The following NID2 variants were observed in gnomAD, a reference collection of about 807,000 sequenced individuals.
The protein encoded by NID2 is nidogen 2.
Under a neutral mutation model 145.4 loss-of-function variants are expected in NID2, and 83 were observed. That is an observed-to-expected ratio of 0.57 (90% CI 0.48 to 0.69). The LOEUF is 0.69. NID2 is among the 30% of genes least tolerant of loss of function. The probability of loss-of-function intolerance (pLI) is 0.00; values close to 1 mark genes in which losing one functional copy is unlikely to be tolerated. For missense variants in NID2, 1,807 were observed against 1,765.7 expected, an observed-to-expected ratio of 1.02 and a Z score of -0.42; for synonymous variants, 739 against 701.3, an observed-to-expected ratio of 1.05 and a Z score of -0.85.
At chr14:52,020,298 A>G in intron 12 of NID2, 120 bp from the exon 13 acceptor site, 1 of 1,497,010 alleles carries the variant, frequency 6.7e-7, no homozygotes, top group Non-Finnish European at 8.9e-7. Flanking sequence ...TCAGCTTCAG[A>G]AGACCTTTGA....
chr14:52,029,425 T>C, intron 10 of NID2, 122 bp downstream of exon 10: 2 of 920,852 alleles, frequency 2.2e-6, no homozygotes, highest in Non-Finnish European at 3.3e-6. Flanking sequence ...TAACAGCTGC[T>C]AAAATCATTG....
chr14:52,005,702 T>TA (rs765415990), intron 21 of NID2, 35 bp downstream of exon 21: 12 of 1,535,648 alleles, frequency 7.8e-6, no homozygotes, highest in African/African-American at 1.4e-5. Context: ...TCTACCCTGC[T>TA]AATTTAAAGG....
intron 12 of NID2, among the ~76,000 whole-genome samples, chr14:52,021,652 A>C (rs77203104): frequency 1.5e-3 from 224 of 152,294 alleles, no homozygotes; most frequent in Non-Finnish European, 1.9e-3. Flanking sequence ...TCCTCCCCCA[A>C]AAATTCTGAA....
chr14:52,049,905 AC>A (rs1892633375), intron 5 of NID2, among the ~76,000 whole-genome samples: 1 of 152,122 alleles, frequency 6.6e-6, no homozygotes. Context: ...GCTCCTGGTC[AC>A]AGACCCTCTG....
chr14:52,021,104 T>C (rs1891389704), intron 12 of NID2, among the ~76,000 whole-genome samples: 1 of 152,090 alleles, frequency 6.6e-6, no homozygotes, highest in African/African-American at 2.4e-5. Flanking sequence ...CAGGAAGTCT[T>C]TCAGAGTAAA....
chr14:52,029,547 C>G lies in NID2; in HGVS notation c.2401G>C (p.Asp801His). The change falls in exon 10 of 22, where the codon GAT becomes CAT. Residue 801 changes from aspartate (D) to histidine (H), a missense_variant and splice_region_variant. By Grantham distance (81) the Asp-to-His change is moderately conservative. Transcript: ENST00000216286. ...GYQGDGRNCV[D>H]ENECATGFHR... The stretch of plus-strand genomic sequence containing the variant: ...GGAGACACGAGAACATGGCTCTTAC[C>G]CACACAGTTCCGTCCATCTCCCTGG... 1 of 1,609,956 alleles carries G rather than the reference C, an allele frequency of 6.2e-7. No individual in the cohort carries two copies. The highest frequency in any genetic ancestry group is 8.5e-7 in the Non-Finnish European group (1 of 1,176,778).
chr14:52,012,973 G>C (rs1053122806), intron 16 of NID2, among the ~76,000 whole-genome samples: 1 of 152,162 alleles, frequency 6.6e-6, no homozygotes, highest in Non-Finnish European at 1.5e-5. Context: ...ACGGGATTTG[G>C]CTTCAGTGGA....
chr14:52,066,941 A>T (rs1331068280), intron 2 of NID2, among the ~76,000 whole-genome samples: 1 of 152,168 alleles, frequency 6.6e-6, no homozygotes, highest in Non-Finnish European at 1.5e-5. Context: ...GGAATTTTTT[A>T]CTTTCCGCAG....
intron 14 of NID2, among the ~76,000 whole-genome samples, chr14:52,016,280 C>A (rs1368846905): frequency 1.3e-5 from 2 of 152,136 alleles, no homozygotes; most frequent in African/African-American, 4.8e-5. Flanking sequence ...AGAGGAGGTG[C>A]TTCTCCTTCC....
At chr14:52,041,813 C>A (rs931400412) in intron 7 of NID2, among the ~76,000 whole-genome samples, 4 of 152,190 alleles carry the variant, frequency 2.6e-5, no homozygotes, top group African/African-American at 9.6e-5. Context: ...AAAAGCCTGA[C>A]AAATATGCTG....
At chr14:52,045,620 ACTGT>A (rs58058988) in intron 5 of NID2, among the ~76,000 whole-genome samples, 24,362 of 151,668 alleles carry the variant, frequency 0.16, 2,644 homozygotes, top group East Asian at 0.5. Flanking sequence ...AAACTGTATC[ACTGT>A]CTATTAGTTT....
intron 4 of NID2, 39 bp downstream of exon 4, chr14:52,053,981 A>G: frequency 6.2e-7 from 1 of 1,611,122 alleles, no homozygotes; most frequent in Non-Finnish European, 8.5e-7. Context: ...GTTGGATGCA[A>G]GGGGGAGGAC....
At chr14:52,051,575 C>T (rs1352300764) in intron 5 of NID2, among the ~76,000 whole-genome samples, 1 of 152,200 alleles carries the variant, frequency 6.6e-6, no homozygotes, top group Admixed American at 6.5e-5. Flanking sequence ...CCCACAGCTT[C>T]CCGGAGGAAG....
chr14:52,014,524 A>G, intron 15 of NID2, 68 bp from the exon 16 acceptor site: 1 of 1,478,814 alleles, frequency 6.8e-7, no homozygotes, highest in African/African-American at 1.4e-5. Context: ...AAGAAAAGTT[A>G]CTTTACCACA....
intron 20 of NID2, 135 bp from the exon 21 acceptor site, chr14:52,005,984 A>G (rs1890763668): frequency 1.5e-6 from 1 of 654,620 alleles, no homozygotes; most frequent in South Asian, 1.7e-5. Context: ...TGCTAAAGCC[A>G]TACTGAAGTT....
intron 17 of NID2, 106 bp downstream of exon 17, chr14:52,011,447 CT>C: frequency 7.0e-7 from 1 of 1,434,816 alleles, no homozygotes; most frequent in Non-Finnish European, 9.6e-7. Context: ...TTGCCTAGAA[CT>C]TAACCTCCCC....
intron 11 of NID2, among the ~76,000 whole-genome samples, chr14:52,028,417 G>A (rs375971970): frequency 2.6e-5 from 4 of 152,258 alleles, no homozygotes; most frequent in African/African-American, 9.6e-5. Context: ...TGGGACTACA[G>A]GCGTGTGCCA....
At chr14:52,049,041 T>G (rs989931026) in intron 5 of NID2, among the ~76,000 whole-genome samples, 1 of 152,086 alleles carries the variant, frequency 6.6e-6, no homozygotes, top group African/African-American at 2.4e-5. Flanking sequence ...CATAAAGAAG[T>G]TTGCTGACAC....
chr14:52,005,265 T>TTTAAACTTGCAATAAC lies in NID2; in HGVS notation c.*205_*220dup. The TTTAAACTTGCAATAAC allele has an allele frequency of 5.1e-6, 2 of 395,890 alleles. No homozygotes were observed. The highest frequency in any genetic ancestry group is 2.5e-4 in the South Asian group (2 of 7,850). 24.5% of individuals were successfully genotyped at this position (395,890 alleles called of 1,614,324 possible). On this transcript the variant is annotated 3_prime_UTR_variant, in exon 22 of 22. Transcript: ENST00000216286. ...GCAACAGTTAAAATTCTGTTACCTT[T>TTTAAACTTGCAATAAC]TTAAACTTGCAATAACAACCTTCAT... is the stretch of plus-strand genomic sequence containing the variant.
Sources: allele counts gnomAD v4.1 joint callset (sites outside exome capture counted in the v4.1 genomes callset), GRCh38; gene constraint gnomAD v4.1.1; transcripts MANE v1.5; gene names NCBI Gene and HGNC (gene_info 2026-07-23, HGNC 2026-07-21).